The following KLHL5 variants were observed in gnomAD, a reference collection of about 807,000 sequenced individuals.
The protein encoded by KLHL5 is kelch-like protein 5.
In KLHL5, 48 loss-of-function variants were observed where a neutral mutation model predicts 77.7. The observed-to-expected ratio is 0.62, with a 90% CI of 0.49 to 0.79. KLHL5 has a LOEUF of 0.79. Among genes scored for constraint, KLHL5 ranks in the 30% least tolerant of loss-of-function variants. The pLI is 0.00. For missense variants in KLHL5, 723 were observed against 859.7 expected, an observed-to-expected ratio of 0.84 and a Z score of 1.99; for synonymous variants, 260 against 297.0, an observed-to-expected ratio of 0.88 and a Z score of 1.28.
chr4:39,126,920 C>A (rs376206799), downstream of KLHL5: 1 of 362,534 alleles, frequency 2.8e-6, no homozygotes, highest in Non-Finnish European at 5.4e-6. Flanking sequence ...ACTGGGCAAC[C>A]CTTGCTGACG....
intron 5 of KLHL5, chr4:39,093,149 G>A (rs532011721): frequency 6.6e-6 from 3 of 455,760 alleles, no homozygotes; most frequent in South Asian, 1.6e-5. Context: ...GGAGTACCCC[G>A]ATGGTGGAAT....
intron 6 of KLHL5, among the ~76,000 whole-genome samples, chr4:39,097,140 A>G (rs1405742305): frequency 6.6e-6 from 1 of 152,252 alleles, no homozygotes; most frequent in Non-Finnish European, 1.5e-5. Flanking sequence ...ATCAAAATAA[A>G]TAATAGTAAA....
chr4:39,110,356 A>C (rs1163856141), intron 8 of KLHL5, among the ~76,000 whole-genome samples: 2 of 152,234 alleles, frequency 1.3e-5, no homozygotes, highest in African/African-American at 4.8e-5. Flanking sequence ...TACTAGAGTA[A>C]TTTAATTGGA....
At chr4:39,096,091 TTA>T (rs1721039966) in intron 5 of KLHL5, among the ~76,000 whole-genome samples, 1 of 152,000 alleles carries the variant, frequency 6.6e-6, no homozygotes, top group Non-Finnish European at 1.5e-5. Flanking sequence ...ATTTTATTTT[TTA>T]AAAGACAAGG....
intron 1 of KLHL5, among the ~76,000 whole-genome samples, chr4:39,069,430 TTATATATATATATATATA>T (rs60740721): frequency 0.031 from 944 of 30,250 alleles, 17 homozygotes; most frequent in African/African-American, 0.11. Context: ...TATTAACATT[TTATATATATATATATATA>T]TATATATATA....
At chr4:39,126,502 C>G (rs774099704), downstream of KLHL5, among the ~76,000 whole-genome samples, 2 of 152,116 alleles carry the variant, frequency 1.3e-5, no homozygotes, top group Non-Finnish European at 2.9e-5. Flanking sequence ...TTGGCATCAT[C>G]GCTAGACTTC....
rs532334367 is a variant in KLHL5 at position 39,045,316 on chromosome 4, G to C, written c.-95+220G>C. Among the ~76,000 whole-genome samples the C allele has an allele frequency of 4.5e-3, 685 of 150,798 alleles. 1 individual carries two copies. Among genetic ancestry groups the C allele is most frequent in the Non-Finnish European group, 7.5e-3 (505 of 67,550 alleles). On this transcript the variant is annotated intron_variant, in intron 1 of 11. Coordinates refer to the KLHL5 transcript ENST00000261425. ...GCGCCCGGGGCTCGAACCCCGGCCC[G>C]GCCTCCCCGCTGCGCACCCCCGAGC...
At position 39,071,958 on chromosome 4, in the gene KLHL5, G is replaced by A. The variant is rs1718517330; in HGVS notation, c.384-4007G>A. ...GCAAAACTAAGCAGAGATGTTAGAT[G>A]TATTTCCTCTGTTGTTATGTAAAAG... On this transcript the variant is annotated intron_variant, in intron 1 of 10. Transcript: ENST00000504108. 5.3e-5 allele frequency among the ~76,000 whole-genome samples: 8 copies of A among 152,136 alleles called. No homozygotes were observed. In the South Asian group the frequency reaches 1.7e-3, roughly 31 times the overall value.
intron 1 of KLHL5, among the ~76,000 whole-genome samples, chr4:39,048,896 C>A (rs762659249): frequency 9.2e-5 from 14 of 152,084 alleles, no homozygotes; most frequent in Non-Finnish European, 1.8e-4. Context: ...CCTGCCTCAG[C>A]CTCCCAAAGT....
chr4:39,106,477 C>T (rs1359384118), intron 7 of KLHL5, among the ~76,000 whole-genome samples: 1 of 152,160 alleles, frequency 6.6e-6, no homozygotes, highest in Non-Finnish European at 1.5e-5. Flanking sequence ...CTATTGAGTG[C>T]CCGGTACTTA....
At chr4:39,130,785 A>C (rs564014681), downstream of KLHL5, among the ~76,000 whole-genome samples, 12 of 151,760 alleles carry the variant, frequency 7.9e-5, no homozygotes, top group East Asian at 2.1e-3. Flanking sequence ...CTTTTCAAGC[A>C]CCCTCAAGCA....
chr4:39,058,067 T>C (rs1410324558), upstream of KLHL5, among the ~76,000 whole-genome samples: 1 of 152,212 alleles, frequency 6.6e-6, no homozygotes, highest in African/African-American at 2.4e-5. Flanking sequence ...AATTACATTT[T>C]GAAAAATGTA....
chr4:39,115,819 T>A, intron 10 of KLHL5: 1 of 1,020,268 alleles, frequency 9.8e-7, no homozygotes, highest in Non-Finnish European at 1.2e-6. Flanking sequence ...TCTGGCAGTC[T>A]TACTAACAGA....
intron 1 of KLHL5, chr4:39,063,496 C>T (rs1010050095): frequency 5.0e-6 from 2 of 399,590 alleles, no homozygotes; most frequent in Middle Eastern, 4.1e-4. Flanking sequence ...TTATAGTCAC[C>T]AATTTTTTGA....
At chr4:39,068,078 C>G (rs1258973580) in intron 1 of KLHL5, among the ~76,000 whole-genome samples, 3 of 152,008 alleles carry the variant, frequency 2.0e-5, no homozygotes, top group Non-Finnish European at 4.4e-5. Flanking sequence ...ATTTTTTGGT[C>G]AGTTGATTTG....
At chr4:39,107,365 A>G (rs1449570370) in intron 7 of KLHL5, among the ~76,000 whole-genome samples, 1 of 151,946 alleles carries the variant, frequency 6.6e-6, no homozygotes, top group Non-Finnish European at 1.5e-5. Context: ...AGAACTTTTA[A>G]ACCAGAACTA....
chr4:39,095,308 C>T (rs1274570796), intron 5 of KLHL5, among the ~76,000 whole-genome samples: 1 of 152,088 alleles, frequency 6.6e-6, no homozygotes, highest in Non-Finnish European at 1.5e-5. Context: ...ATGTTGTGCT[C>T]TTGTGCTCTT....
At chr4:39,071,389 A>G (rs1297793521) in intron 1 of KLHL5, among the ~76,000 whole-genome samples, 1 of 152,176 alleles carries the variant, frequency 6.6e-6, no homozygotes, top group Non-Finnish European at 1.5e-5. Context: ...TTATAAATTA[A>G]TTTGTAAAAC....
intron 1 of KLHL5, among the ~76,000 whole-genome samples, chr4:39,052,793 T>C (rs1442351098): frequency 1.3e-5 from 2 of 152,244 alleles, no homozygotes; most frequent in Non-Finnish European, 2.9e-5. Context: ...GCCTGGTTTC[T>C]GCATGGTTCT....
Sources: gnomAD v4.1 joint callset for allele counts (sites outside exome capture counted in the v4.1 genomes callset) on GRCh38, gnomAD v4.1.1 for gene constraint, MANE v1.5 for transcripts, NCBI Gene and HGNC (gene_info 2026-07-23, HGNC 2026-07-21) for gene names.